The following LRRC75A variants were observed in gnomAD, a reference collection of about 807,000 sequenced individuals.
LRRC75A encodes leucine rich repeat containing 75A.
Under a neutral mutation model 26.0 loss-of-function variants are expected in LRRC75A, and 12 were observed. The ratio of observed to expected loss-of-function variants is 0.46; its 90% CI spans 0.30 to 0.75. The LOEUF is 0.75. Ranked by LOEUF, LRRC75A falls within the 30% of genes least tolerant of loss-of-function variation. LRRC75A has a pLI of 0.08. For synonymous variants in LRRC75A, 223 were observed against 219.3 expected, an observed-to-expected ratio of 1.02 and a Z score of -0.15; for missense variants, 410 against 486.6, an observed-to-expected ratio of 0.84 and a Z score of 1.48.
Position 16,443,327 on chromosome 17 carries a change from C to G in LRRC75A, c.*261G>C, listed in dbSNP as rs2143007953. On this transcript the variant is annotated 3_prime_UTR_variant, in exon 4 of 4. Transcript: ENST00000470794. ...TCTTTGGGGAAGGCCATGAGCTGAG[C>G]TGAGAGGGTTCTCTGGGGCCTGGGA... 1 of 473,300 alleles carries G rather than the reference C, an allele frequency of 2.1e-6. No homozygotes were observed. The highest frequency in any genetic ancestry group is 3.2e-5 in the East Asian group (1 of 30,986). 29.3% of individuals were successfully genotyped at this position (473,300 alleles called of 1,614,324 possible). A position where few individuals can be genotyped will look rare whatever the true frequency, so the allele number is the denominator to read the frequency against.
In LRRC75A at chr17:16,446,132, C is replaced by T. The variant is rs546660231; in HGVS notation, c.491+1713G>A. On this transcript the variant is annotated intron_variant, in intron 3 of 3. Coordinates refer to ENST00000470794, the MANE Select transcript of LRRC75A (RefSeq NM_001113567.3). ...CTATGTTAGCCAGGCTGGTCTTGAA[C>T]TTCCTACTTCAGGTGATCCGCCCAT... 2.1e-3 allele frequency among the ~76,000 whole-genome samples: 322 copies of T among 152,306 alleles called. 2 individuals are homozygous for T. The highest frequency in any genetic ancestry group is 7.1e-3 in the African/African-American group (297 of 41,556).
Position 16,462,526 on chromosome 17 carries a change from C to T in LRRC75A, c.247-140G>A. 8.7e-7 allele frequency: 1 copy of T among 1,150,022 alleles called. No individual in the cohort carries two copies. The highest frequency in any genetic ancestry group is 1.2e-6 in the Non-Finnish European group (1 of 824,800). The allele number at this position is 1,150,022 out of a possible 1,614,324, so 71.2% of individuals were successfully genotyped here. ...GGTGGGGAGCATCTGCAGAACTTCC[C>T]TCAGGGGCTGGGGCAGGCCTCTCCT... On this transcript the variant is annotated intron_variant, in intron 1 of 3. Coordinates refer to ENST00000470794, the MANE Select transcript of LRRC75A (RefSeq NM_001113567.3). This position sits in a 1 kb window ranked among gnomAD's most constrained non-coding sequence, Gnocchi z 4.6.
At chr17:16,449,829 C>T (rs775401882) in intron 2 of LRRC75A, among the ~76,000 whole-genome samples, 4 of 152,138 alleles carry the variant, frequency 2.6e-5, no homozygotes, top group Non-Finnish European at 5.9e-5. Flanking sequence ...GTTGGTCAGG[C>T]TGGTCTTGAA....
rs113342803 is a variant in LRRC75A, at chr17:16,485,119, C to T, written c.246+6626G>A. Among the ~76,000 whole-genome samples the T allele has an allele frequency of 8.0e-3, 1,221 of 152,212 alleles. 18 individuals carry two copies. The highest frequency in any genetic ancestry group is 0.028 in the African/African-American group (1,144 of 41,514). ...CTCTGTTCTCATTCAGAACACCCAG[C>T]CCTTCTAGTAATGGTGAGTCCAAGA... On this transcript the variant is annotated intron_variant, in intron 1 of 3. Transcript: ENST00000470794.
chr17:16,482,105 T>C (rs1476372509), intron 1 of LRRC75A, among the ~76,000 whole-genome samples: 1 of 152,132 alleles, frequency 6.6e-6, no homozygotes, highest in African/African-American at 2.4e-5. Context: ...GAGAGAAACC[T>C]GCCCCACTCC....
At chr17:16,455,750 T>G (rs559589326) in intron 2 of LRRC75A, among the ~76,000 whole-genome samples, 1 of 152,278 alleles carries the variant, frequency 6.6e-6, no homozygotes, top group South Asian at 2.1e-4. Flanking sequence ...AGAACTTAAA[T>G]AGATGGGCAA....
At chr17:16,471,501 C>T (rs1035718748) in intron 1 of LRRC75A, among the ~76,000 whole-genome samples, 3 of 152,240 alleles carry the variant, frequency 2.0e-5, no homozygotes, top group Non-Finnish European at 4.4e-5. Context: ...GGACCCCTCC[C>T]TTCTTCCACA....
chr17:16,490,047 ACACT>A (rs2093854271), intron 1 of LRRC75A, among the ~76,000 whole-genome samples: 1 of 152,178 alleles, frequency 6.6e-6, no homozygotes, highest in African/African-American at 2.4e-5. Flanking sequence ...ATGTGGAATC[ACACT>A]CAGCCCTACA....
At position 16,462,391 on chromosome 17, in the gene LRRC75A, A is replaced by G. The variant is rs370869492; in HGVS notation, c.247-5T>C. 3 of 1,613,794 alleles carry G rather than the reference A, an allele frequency of 1.9e-6. No homozygotes were observed. In the African/African-American group the frequency reaches 4.0e-5, roughly 22 times the overall value. ...GGTCGACTCCATGCCCAGGTCCTGC[A>G]AGAGCAAAGGATGCCCAGAGGTCAG... On this transcript the variant is annotated splice_region_variant and splice_polypyrimidine_tract_variant and intron_variant, in intron 1 of 3. Transcript: ENST00000470794. The surrounding 1 kb of genome is among the most constrained non-coding windows in gnomAD (Gnocchi z 4.6).
At chr17:16,484,620 C>T (rs2093842209) in intron 1 of LRRC75A, among the ~76,000 whole-genome samples, 1 of 152,108 alleles carries the variant, frequency 6.6e-6, no homozygotes, top group African/African-American at 2.4e-5. Context: ...GACCAAGATC[C>T]GGCAGAGGAA....
chr17:16,481,365 A>C (rs912777077), intron 1 of LRRC75A, among the ~76,000 whole-genome samples: 7 of 152,172 alleles, frequency 4.6e-5, no homozygotes, highest in African/African-American at 1.7e-4. Flanking sequence ...GAAGTGTGAT[A>C]GTCAACTGTA....
chr17:16,452,247 C>G (rs1403547551), intron 2 of LRRC75A, among the ~76,000 whole-genome samples: 1 of 149,992 alleles, frequency 6.7e-6, no homozygotes, highest in African/African-American at 2.5e-5. Flanking sequence ...GTCCCAGCTA[C>G]CCGGGAGGCT....
chr17:16,457,560 G>A (rs2093694931), intron 2 of LRRC75A, among the ~76,000 whole-genome samples: 1 of 152,208 alleles, frequency 6.6e-6, no homozygotes, highest in African/African-American at 2.4e-5. Flanking sequence ...CCTGGCATCT[G>A]TGCCCCTGTG....
chr17:16,477,538 C>A (rs1165947007), intron 1 of LRRC75A, among the ~76,000 whole-genome samples: 1 of 152,230 alleles, frequency 6.6e-6, no homozygotes, highest in Non-Finnish European at 1.5e-5. Context: ...CAGGATGAGG[C>A]CCTGCCTGTG....
At chr17:16,465,485 G>C (rs957304167) in intron 1 of LRRC75A, among the ~76,000 whole-genome samples, 5 of 152,214 alleles carry the variant, frequency 3.3e-5, no homozygotes, top group Admixed American at 1.3e-4. Flanking sequence ...CAGGGCTGTG[G>C]GCTGCAGCTC....
At chr17:16,454,386 T>A (rs893462468) in intron 2 of LRRC75A, among the ~76,000 whole-genome samples, 8 of 125,738 alleles carry the variant, frequency 6.4e-5, no homozygotes, top group African/African-American at 2.6e-4. Context: ...AGTGAGACTC[T>A]GTCAAAAAAC....
intron 1 of LRRC75A, chr17:16,478,553 A>G (rs1219535202): frequency 6.6e-6 from 1 of 152,232 alleles, no homozygotes; most frequent in Non-Finnish European, 1.5e-5. Context: ...CATTACCTTC[A>G]GAGAGCCCTC....
At chr17:16,486,792 C>A (rs942239653) in intron 1 of LRRC75A, among the ~76,000 whole-genome samples, 58 of 152,354 alleles carry the variant, frequency 3.8e-4, no homozygotes, top group African/African-American at 1.3e-3. Context: ...AGAAATCCAA[C>A]CACACGGAAA....
At chr17:16,453,859 G>C (rs2093655467) in intron 2 of LRRC75A, among the ~76,000 whole-genome samples, 1 of 152,022 alleles carries the variant, frequency 6.6e-6, no homozygotes, top group Non-Finnish European at 1.5e-5. Flanking sequence ...CCCAAGGCAG[G>C]TCACAGAGAC....
Sources: allele counts gnomAD v4.1 joint callset (sites outside exome capture counted in the v4.1 genomes callset), GRCh38; gene constraint gnomAD v4.1.1; non-coding constraint Gnocchi (gnomAD v3.1); transcripts MANE v1.5; gene names NCBI Gene and HGNC (gene_info 2026-07-23, HGNC 2026-07-21).